Variants in ATG10 observed in about 807,000 individuals in gnomAD.
ATG10 encodes ubiquitin-like-conjugating enzyme ATG10.
In ATG10, 30 loss-of-function variants were observed where a neutral mutation model predicts 32.1. The observed-to-expected ratio is 0.94, with a 90% CI of 0.70 to 1.27. The LOEUF is 1.27. Among genes scored for constraint, ATG10 ranks in the 50% most tolerant of loss-of-function variants. ATG10 has a pLI of 0.00. For synonymous variants in ATG10, 87 were observed against 91.5 expected, an observed-to-expected ratio of 0.95 and a Z score of 0.28; for missense variants, 233 against 262.3, an observed-to-expected ratio of 0.89 and a Z score of 0.77.
intron 3 of ATG10, among the ~76,000 whole-genome samples, chr5:82,076,285 A>G (rs144068576): frequency 6.6e-6 from 1 of 152,260 alleles, no homozygotes; most frequent in East Asian, 1.9e-4. Context: ...TCTGATTTGT[A>G]ATAAGTTTCT....
intron 3 of ATG10, among the ~76,000 whole-genome samples, chr5:82,133,404 C>T (rs969913300): frequency 1.5e-4 from 23 of 152,044 alleles, no homozygotes; most frequent in Admixed American, 1.1e-3. Context: ...TTTTGCATAA[C>T]GTGTAAGGAA....
rs534277195 is a variant in ATG10 at position 82,142,015 on chromosome 5, A to G, written c.217-22384A>G. Among the ~76,000 whole-genome samples, 341 of 152,350 alleles carry G rather than the reference A, an allele frequency of 2.2e-3. 1 individual carries two copies. Among genetic ancestry groups the G allele is most frequent in the African/African-American group, 7.9e-3 (329 of 41,590 alleles). On this transcript the variant is annotated intron_variant, in intron 3 of 7. Coordinates refer to ENST00000282185, the MANE Select transcript of ATG10 (RefSeq NM_031482.5). ...TATTTTCATTTTAATGCCTTGACTT[A>G]CAAAATAATTCTCCTTCTACCAGTG...
At chr5:82,121,469 T>C (rs1222540069) in intron 3 of ATG10, among the ~76,000 whole-genome samples, 1 of 152,212 alleles carries the variant, frequency 6.6e-6, no homozygotes, top group Non-Finnish European at 1.5e-5. Flanking sequence ...TCTTGCCTGA[T>C]TGCTCTGGCT....
chr5:82,082,574 A>T (rs1201769016), intron 3 of ATG10, among the ~76,000 whole-genome samples: 2 of 152,034 alleles, frequency 1.3e-5, no homozygotes, highest in East Asian at 1.9e-4. Flanking sequence ...TGGCTGATGG[A>T]CTTTGAGATT....
chr5:82,105,391 G>C (rs933626168), intron 3 of ATG10, among the ~76,000 whole-genome samples: 3 of 152,018 alleles, frequency 2.0e-5, no homozygotes, highest in African/African-American at 4.8e-5. Flanking sequence ...ATTTGGAATA[G>C]AGCATTTGAT....
chr5:82,152,331 G>A (rs1581747151), intron 3 of ATG10, among the ~76,000 whole-genome samples: 3 of 152,310 alleles, frequency 2.0e-5, no homozygotes, highest in African/African-American at 7.2e-5. Context: ...TGATTTTTGG[G>A]TGTCTGATCA....
chr5:82,096,492 C>T (rs1765071008), intron 3 of ATG10, among the ~76,000 whole-genome samples: 2 of 152,140 alleles, frequency 1.3e-5, no homozygotes, highest in Non-Finnish European at 2.9e-5. Context: ...TCTTTTGCTG[C>T]CCTCTAGCCC....
intron 5 of ATG10, among the ~76,000 whole-genome samples, chr5:82,221,968 G>T (rs769894391): frequency 1.3e-5 from 2 of 152,184 alleles, no homozygotes; most frequent in Non-Finnish European, 2.9e-5. Context: ...TCTTGTATCG[G>T]AGTTGCATTA....
rs1238215218 is a variant in ATG10 at position 82,196,371 on chromosome 5, AG to A, written c.453+17785del. On this transcript the variant is annotated intron_variant, in intron 5 of 7. Coordinates refer to ENST00000282185, the MANE Select transcript of ATG10 (RefSeq NM_031482.5). ...TTGATAGCGTTCTTTGGCTCACAAA[AG>A]TTTTTTATGTAGGTAAAGTCCAATT... 6.6e-5 allele frequency among the ~76,000 whole-genome samples: 10 copies of A among 152,208 alleles called. No individual in the cohort carries two copies. In the East Asian group the frequency reaches 1.7e-3, roughly 26 times the overall value.
intron 3 of ATG10, among the ~76,000 whole-genome samples, chr5:82,138,222 C>T (rs1452115209): frequency 6.6e-6 from 1 of 152,116 alleles, no homozygotes; most frequent in Admixed American, 6.5e-5. Context: ...GCCCCCTTTC[C>T]AGGGGAGTGA....
At chr5:82,159,222 T>C (rs1242213981) in intron 3 of ATG10, among the ~76,000 whole-genome samples, 1 of 152,168 alleles carries the variant, frequency 6.6e-6, no homozygotes. Context: ...GGACAAAGGA[T>C]GATTCACATC....
intron 1 of ATG10, among the ~76,000 whole-genome samples, chr5:81,980,750 T>C (rs1409761153): frequency 6.6e-6 from 1 of 152,088 alleles, no homozygotes; most frequent in Admixed American, 6.6e-5. Context: ...CAGTACTCAG[T>C]GCACCTCAGG....
At chr5:82,041,607 G>C (rs911264736) in intron 2 of ATG10, among the ~76,000 whole-genome samples, 13 of 152,242 alleles carry the variant, frequency 8.5e-5, no homozygotes, top group African/African-American at 3.1e-4. Context: ...CATATAGTAT[G>C]TAAAACACAT....
chr5:81,990,937 T>C (rs1312651315), intron 2 of ATG10, among the ~76,000 whole-genome samples: 2 of 152,220 alleles, frequency 1.3e-5, no homozygotes, highest in African/African-American at 4.8e-5. Flanking sequence ...AAAAAGATTA[T>C]TTTTCCAACA....
chr5:82,071,125 G>A (rs79531623), intron 3 of ATG10, among the ~76,000 whole-genome samples: 4,576 of 152,158 alleles, frequency 0.03, 99 homozygotes, highest in Middle Eastern at 0.051. Context: ...CAGAGTCCTT[G>A]CAGGAGGGTT....
chr5:82,081,500 A>G (rs1472129881), intron 3 of ATG10, among the ~76,000 whole-genome samples: 1 of 152,204 alleles, frequency 6.6e-6, no homozygotes, highest in African/African-American at 2.4e-5. Context: ...TGGGTTTGTC[A>G]TAAATAGCTC....
At chr5:82,087,492 T>C (rs1764731631) in intron 3 of ATG10, among the ~76,000 whole-genome samples, 1 of 152,194 alleles carries the variant, frequency 6.6e-6, no homozygotes, top group South Asian at 2.1e-4. Flanking sequence ...GGCTTTTCCC[T>C]GTGTAGCACT....
At chr5:82,104,542 C>T (rs150978504) in intron 3 of ATG10, among the ~76,000 whole-genome samples, 1 of 152,070 alleles carries the variant, frequency 6.6e-6, no homozygotes, top group East Asian at 1.9e-4. Flanking sequence ...ACTGATTTAA[C>T]ATCCGATTTT....
At chr5:82,050,839 CAAAAAAAAAAAAAA>C (rs71000881) in intron 2 of ATG10, among the ~76,000 whole-genome samples, 4 of 36,294 alleles carry the variant, frequency 1.1e-4, no homozygotes, top group Non-Finnish European at 1.8e-4. Context: ...CCATCTCTAC[CAAAAAAAAAAAAAA>C]AAAAAAAAAA....
Sources: allele counts gnomAD v4.1 joint callset (sites outside exome capture counted in the v4.1 genomes callset), GRCh38; gene constraint gnomAD v4.1.1; transcripts MANE v1.5; gene names NCBI Gene and HGNC (gene_info 2026-07-23, HGNC 2026-07-21).